RINL: variants seen among roughly 807,000 people sequenced by gnomAD.
The protein encoded by RINL is Ras and Rab interactor like.
RINL carries 39 observed loss-of-function variants against 58.1 expected under a neutral mutation model. The observed-to-expected ratio is 0.67, with a 90% confidence interval of 0.52 to 0.88. The LOEUF is 0.88. Ranked by LOEUF, RINL falls within the 40% of genes least tolerant of loss-of-function variation. RINL has a pLI of 0.00. For missense variants in RINL, 711 were observed against 749.2 expected, an observed-to-expected ratio of 0.95 and a Z score of 0.60; for synonymous variants, 286 against 323.1, an observed-to-expected ratio of 0.89 and a Z score of 1.23.
rs781318149 is a variant in RINL, at chr19:38,870,194, C to G, written c.1091G>C (p.Arg364Pro). The G allele has an allele frequency of 7.1e-7, 1 of 1,399,352 alleles. No individual in the cohort carries two copies. The highest frequency in any genetic ancestry group is 2.9e-5 in the East Asian group (1 of 34,412). The allele number at this position is 1,399,352 out of a possible 1,614,324, so 86.7% of individuals were successfully genotyped here. A position where few individuals can be genotyped will look rare whatever the true frequency, so the allele number is the denominator to read the frequency against. Residue 364 changes from arginine (R) to proline (P), a missense_variant, in exon 9 of 12, where the codon CGA (arginine) becomes CCA (proline). Arg to Pro is a moderately radical substitution (Grantham distance 103). Coordinates refer to ENST00000591812, the MANE Select transcript of RINL (RefSeq NM_001195833.2). This position sits in a 1 kb window ranked among gnomAD's most constrained non-coding sequence, Gnocchi z 5.8. ...LAPLKPALWT[R>P]LRTLRAPELR... ...CTCCGGTGCTCGGAGTGTGCGGAGT[C>G]GTGTCCACAGGGCCGGCTTCAGGGG...
At chr19:38,876,868 A>T in intron 1 of RINL, 87 bp from the exon 2 acceptor site, 2 of 760,220 alleles carry the variant, frequency 2.6e-6, no homozygotes, top group South Asian at 1.6e-5. Flanking sequence ...AGAGACCCTG[A>T]CCAATCAGAA....
chr19:38,869,982 T>G lies in RINL; in HGVS notation c.1303A>C (p.Arg435=), dbSNP rs1972764123. ...RKVALLLEVC[R]DVYAGLARGE... ...CGAGCCAGGCCCGCATAGACATCTC[T>G]GCACACCTCCAAGAGGAGCGCCACC... Residue 435 remains arginine (R), a synonymous_variant, in exon 9 of 12, where the codon AGA becomes CGA. Transcript: ENST00000591812. The surrounding 1 kb of genome is among the most constrained non-coding windows in gnomAD (Gnocchi z 5.7). 2 of 1,598,842 alleles carry G rather than the reference T, an allele frequency of 1.3e-6. No homozygotes were observed. Among genetic ancestry groups the G allele is most frequent in the Non-Finnish European group, 1.7e-6 (2 of 1,174,028 alleles).
intron 4 of RINL, among the ~76,000 whole-genome samples, chr19:38,873,037 C>CT (rs1445776336): frequency 2.8e-4 from 43 of 151,808 alleles, no homozygotes; most frequent in Admixed American, 2.0e-4. Context: ...CACTGCACTC[C>CT]GCCTGAGCGA....
intron 4 of RINL, among the ~76,000 whole-genome samples, chr19:38,872,769 A>G (rs996987113): frequency 6.6e-6 from 1 of 152,158 alleles, no homozygotes; most frequent in Non-Finnish European, 1.5e-5. Context: ...AGGAAGAAAT[A>G]CCTAATGTAG....
chr19:38,876,782 C>T lies in RINL; in HGVS notation c.-39-1G>A. The T allele has an allele frequency of 1.3e-6, 2 of 1,514,866 alleles. No individual in the cohort carries two copies. Among genetic ancestry groups the T allele is most frequent in the Non-Finnish European group, 1.8e-6 (2 of 1,127,506 alleles). 93.8% of individuals were successfully genotyped at this position (1,514,866 alleles called of 1,614,324 possible). ...AAGCCAGTGAGTCATGACCTGGCCT[C>T]TGGCAGGGAGAAAGGTAAGACTCAA... is the stretch of plus-strand genomic sequence containing the variant. On this transcript the variant is annotated splice_acceptor_variant, in intron 1 of 11. Coordinates refer to ENST00000591812, the MANE Select transcript of RINL (RefSeq NM_001195833.2). LOFTEE classifies it low-confidence loss of function (5UTR_SPLICE).
At chr19:38,871,968 C>A in intron 4 of RINL, 98 bp from the exon 5 acceptor site, 1 of 913,424 alleles carries the variant, frequency 1.1e-6, no homozygotes, top group South Asian at 1.4e-5. Flanking sequence ...CAGAATCCCC[C>A]CAGGGACCTT....
chr19:38,874,889 C>G (rs528794005), intron 3 of RINL, among the ~76,000 whole-genome samples: 9 of 152,238 alleles, frequency 5.9e-5, no homozygotes, highest in African/African-American at 2.2e-4. Flanking sequence ...AATCCCAGCA[C>G]TTTGGGAGGC....
rs746727995 is a variant in RINL, at chr19:38,871,235, C to T, written c.452-8G>A. ...TGCCGATCTGCACAGGATCTGGAGC[C>T]AGCAGAAGTGAGAAGGTGTCCTAGG... On this transcript the variant is annotated splice_region_variant and splice_polypyrimidine_tract_variant and intron_variant, in intron 6 of 11. Transcript: ENST00000591812. 1.4e-5 allele frequency: 22 copies of T among 1,613,922 alleles called. No individual in the cohort carries two copies. The highest frequency in any genetic ancestry group is 1.1e-4 in the South Asian group (10 of 91,086).
chr19:38,876,664 G>A, intron 2 of RINL, 29 bp downstream of exon 2: 1 of 1,530,226 alleles, frequency 6.5e-7, no homozygotes, highest in Non-Finnish European at 8.8e-7. Context: ...AGGGGAAGGA[G>A]GGCATAGCCT....
Position 38,868,523 on chromosome 19 carries a change from A to C in RINL, c.*581T>G, listed in dbSNP as rs1972721853. The C allele has an allele frequency of 6.6e-6, 1 of 152,050 alleles. No homozygotes were observed. Among genetic ancestry groups the C allele is most frequent in the African/African-American group, 2.4e-5 (1 of 41,386 alleles). 9.4% of individuals were successfully genotyped at this position (152,050 alleles called of 1,614,324 possible). ...GTGGTAGGTGCCTGTAGTCTCAGCTACTTGGTAGGCAGAGGCAGGGGGCTT... is the reference window on the plus strand; with the variant it reads ...GTGGTAGGTGCCTGTAGTCTCAGCTCCTTGGTAGGCAGAGGCAGGGGGCTT... On this transcript the variant is annotated 3_prime_UTR_variant, in exon 12 of 12. Transcript: ENST00000591812.
chr19:38,874,529 C>T (rs1364932060), intron 3 of RINL, among the ~76,000 whole-genome samples: 1 of 152,216 alleles, frequency 6.6e-6, no homozygotes, highest in Admixed American at 6.5e-5. Context: ...TCTTCTCAGC[C>T]TCTCATAGTG....
chr19:38,876,059 A>T (rs1032887908), intron 3 of RINL, among the ~76,000 whole-genome samples: 109 of 138,584 alleles, frequency 7.9e-4, no homozygotes, highest in African/African-American at 2.6e-3. Flanking sequence ...TTGAAATTAC[A>T]TTTTTTTTTT....
chr19:38,871,008 G>A lies in RINL; in HGVS notation c.602-16C>T, dbSNP rs757568112. ...TTCCTGGGGGCTGGAAGTGAGGAGG[G>A]CATTCGGTCGCCTAGAACAGGGGCA... On this transcript the variant is annotated splice_polypyrimidine_tract_variant and intron_variant, in intron 7 of 11. Coordinates refer to ENST00000591812, the MANE Select transcript of RINL (RefSeq NM_001195833.2). 1.3e-6 allele frequency: 2 copies of A among 1,585,420 alleles called. No homozygotes were observed. Among genetic ancestry groups the A allele is most frequent in the Non-Finnish European group, 1.7e-6 (2 of 1,167,908 alleles).
chr19:38,876,295 G>C (rs1441562303), intron 3 of RINL, 36 bp downstream of exon 3: 1 of 1,520,340 alleles, frequency 6.6e-7, no homozygotes, highest in Non-Finnish European at 8.8e-7. Context: ...TCCTAATCTA[G>C]GGTGTCAGGA....
chr19:38,868,958 T>TA lies in RINL; in HGVS notation c.*145dup. ...ACAGGAGTACGCCACCACGCCCGGCTAATTTTTGTTTTTTTTTTTTTTTGG... is the reference window on the plus strand; with the variant it reads ...ACAGGAGTACGCCACCACGCCCGGCTAAATTTTTGTTTTTTTTTTTTTTTGG... On this transcript the variant is annotated 3_prime_UTR_variant, in exon 12 of 12. Coordinates refer to ENST00000591812, the MANE Select transcript of RINL (RefSeq NM_001195833.2). 1.4e-6 allele frequency: 1 copy of TA among 722,992 alleles called. No homozygotes were observed. The highest frequency in any genetic ancestry group is 2.2e-6 in the Non-Finnish European group (1 of 454,194). 44.8% of individuals were successfully genotyped at this position (722,992 alleles called of 1,614,324 possible). A position where few individuals can be genotyped will look rare whatever the true frequency, so the allele number is the denominator to read the frequency against.
chr19:38,873,967 C>A lies in RINL; in HGVS notation c.232G>T (p.Asp78Tyr), dbSNP rs1341223724. The A allele has an allele frequency of 1.3e-6, 2 of 1,535,428 alleles. No homozygotes were observed. Among genetic ancestry groups the A allele is most frequent in the African/African-American group, 1.4e-5 (1 of 73,032 alleles). ...CTCAACACCAGGGCCTGGCTGGGGT[C>A]ACGTCCTGTGACCAAGAAACTCTGG... ...PLGSFLVTGR[D>Y]PSQALVLRSG... Residue 78 changes from aspartate (D) to tyrosine (Y), a missense_variant, in exon 4 of 12, where the codon GAC becomes TAC. Physicochemically the swap from Asp to Tyr is radical, Grantham distance 160. Coordinates refer to ENST00000591812, the MANE Select transcript of RINL (RefSeq NM_001195833.2).
Position 38,870,820 on chromosome 19 carries a change from C to A in RINL, c.774G>T (p.Val258=). ...DDPEEEGPED[V]LTIHVQSLVR... ...CCAGAGACTGGACGTGAATGGTGAG[C>A]ACGTCCTCAGGGCCTTCCTCTTCAG... Residue 258 remains valine (V), a synonymous_variant, in exon 8 of 12, where the codon GTG becomes GTT. Coordinates refer to ENST00000591812, the MANE Select transcript of RINL (RefSeq NM_001195833.2). This position sits in a 1 kb window ranked among gnomAD's most constrained non-coding sequence, Gnocchi z 5.8. The A allele has an allele frequency of 6.2e-7, 1 of 1,610,680 alleles. No individual in the cohort carries two copies. The highest frequency in any genetic ancestry group is 8.5e-7 in the Non-Finnish European group (1 of 1,180,006).
rs1465953944 is a variant in RINL at position 38,870,749 on chromosome 19, C to G, written c.845G>C (p.Arg282Pro). ...CCCAGAATCTGAGGCGATGCGCACC[C>G]GAAGGCTTCGGTACTGCCTGGCCAC... ...SYVARQYRSL[R>P]VRIASDSGGP... The change falls in exon 8 of 12, where the codon CGG becomes CCG. Residue 282 changes from arginine (R) to proline (P), a missense_variant. Arg to Pro is a moderately radical substitution (Grantham distance 103). Coordinates refer to ENST00000591812, the MANE Select transcript of RINL (RefSeq NM_001195833.2). This position sits in a 1 kb window ranked among gnomAD's most constrained non-coding sequence, Gnocchi z 5.8. 6.2e-7 allele frequency: 1 copy of G among 1,613,328 alleles called. No homozygotes were observed. Among genetic ancestry groups the G allele is most frequent in the Non-Finnish European group, 8.5e-7 (1 of 1,179,998 alleles).
Position 38,870,087 on chromosome 19 carries a change from G to C in RINL, c.1198C>G (p.Gln400Glu). 6.7e-7 allele frequency: 1 copy of C among 1,500,788 alleles called. No individual in the cohort carries two copies. The highest frequency in any genetic ancestry group is 1.2e-5 in the South Asian group (1 of 80,474). The allele number at this position is 1,500,788 out of a possible 1,614,324, so 93.0% of individuals were successfully genotyped here. ...CTCCGCAAGGCGGGGGCGGGGCTCT[G>C]CCCTTCCGGTCCCGGCCCCTGTGCC... is the stretch of plus-strand genomic sequence containing the variant. ...PGAQGPGPEG[Q>E]SPAPALRSRI... Residue 400 changes from glutamine to glutamate, a missense_variant, in exon 9 of 12, where the codon CAG becomes GAG. By Grantham distance (29) the Gln-to-Glu change is conservative (BLOSUM62 2). Transcript: ENST00000591812. The surrounding 1 kb of genome is among the most constrained non-coding windows in gnomAD (Gnocchi z 5.8).
Sources: gnomAD v4.1 joint callset for allele counts (sites outside exome capture counted in the v4.1 genomes callset) on GRCh38, gnomAD v4.1.1 for gene constraint, Gnocchi (gnomAD v3.1) non-coding constraint, MANE v1.5 for transcripts, NCBI Gene and HGNC (gene_info 2026-07-23, HGNC 2026-07-21) for gene names.